ATXN1: variants seen among roughly 807,000 people sequenced by gnomAD.
ATXN1 encodes ataxin-1.
ATXN1 carries 8 observed loss-of-function variants against 56.4 expected under a neutral mutation model. The ratio of observed to expected loss-of-function variants is 0.14; its 90% CI spans 0.08 to 0.26. The LOEUF is 0.26. Among genes scored for constraint, ATXN1 ranks in the 10% least tolerant of loss-of-function variants. The probability of loss-of-function intolerance (pLI) is 1.00; values close to 1 mark genes in which losing one functional copy is unlikely to be tolerated. For missense variants in ATXN1, 987 were observed against 1,106.5 expected (o/e 0.89, Z 1.53); for synonymous variants, 514 against 494.6 (o/e 1.04, Z -0.52).
intron 3 of ATXN1, among the ~76,000 whole-genome samples, chr6:16,586,132 G>C (rs1308484476): frequency 6.6e-6 from 1 of 152,024 alleles, no homozygotes; most frequent in Non-Finnish European, 1.5e-5. Flanking sequence ...TATCCCCAGG[G>C]ATGAGTGGGT....
At chr6:16,634,670 A>C (rs1262412802) in intron 3 of ATXN1, among the ~76,000 whole-genome samples, 1 of 152,184 alleles carries the variant, frequency 6.6e-6, no homozygotes, top group Non-Finnish European at 1.5e-5. Flanking sequence ...AATGAAATTG[A>C]AGTATGTGGT....
intron 4 of ATXN1, among the ~76,000 whole-genome samples, chr6:16,559,066 T>C (rs1762067121): frequency 6.6e-6 from 1 of 152,110 alleles, no homozygotes; most frequent in African/African-American, 2.4e-5. Context: ...CAGAAACCCA[T>C]ATTAAAGCTA....
intron 4 of ATXN1, among the ~76,000 whole-genome samples, chr6:16,534,735 C>T (rs770820838): frequency 3.4e-4 from 52 of 152,238 alleles, no homozygotes; most frequent in South Asian, 4.1e-4. Context: ...TCATTATTTT[C>T]GGCTTTCTTC....
intron 6 of ATXN1, among the ~76,000 whole-genome samples, chr6:16,442,173 C>T (rs534710861): frequency 2.6e-5 from 4 of 152,212 alleles, no homozygotes; most frequent in Middle Eastern, 3.4e-3. Context: ...AAGTCAGTAG[C>T]GTGACACTCA....
chr6:16,440,239 C>T (rs1377908764), intron 6 of ATXN1, among the ~76,000 whole-genome samples: 2 of 151,664 alleles, frequency 1.3e-5, no homozygotes, highest in East Asian at 1.9e-4. Flanking sequence ...ATTAGCCAGG[C>T]GTGGTGGCAC....
intron 7 of ATXN1, among the ~76,000 whole-genome samples, chr6:16,317,342 T>G (rs1760535314): frequency 6.6e-6 from 1 of 152,002 alleles, no homozygotes; most frequent in Non-Finnish European, 1.5e-5. Flanking sequence ...TCTTTTTTTT[T>G]GAGACAGAGT....
At chr6:16,513,835 C>T (rs1761127421) in intron 5 of ATXN1, among the ~76,000 whole-genome samples, 1 of 152,074 alleles carries the variant, frequency 6.6e-6, no homozygotes. Context: ...GTCACACTTC[C>T]TGCACCTCTG....
At chr6:16,737,784 A>G (rs1482670350) in intron 2 of ATXN1, 1 of 152,250 alleles carries the variant, frequency 6.6e-6, no homozygotes, top group Non-Finnish European at 1.5e-5. Flanking sequence ...AAGATGGTCA[A>G]GGTATAAACA....
intron 6 of ATXN1, among the ~76,000 whole-genome samples, chr6:16,450,845 A>G (rs1759738179): frequency 6.6e-6 from 1 of 152,198 alleles, no homozygotes. Context: ...GTCCTCTCAG[A>G]AATACAGGTG....
In ATXN1 at chr6:16,676,574, T is replaced by C. The variant is rs1758665459; in HGVS notation, c.-614-18673A>G. On this transcript the variant is annotated intron_variant, in intron 2 of 7. Transcript: ENST00000436367. Reference sequence around the variant, plus strand: ...TATGGTCCTTGCACTCTCCATCTAGTTGTGGGGAAAATAAACAAACAATGG... The same window carrying C: ...TATGGTCCTTGCACTCTCCATCTAGCTGTGGGGAAAATAAACAAACAATGG... Among the ~76,000 whole-genome samples the C allele has an allele frequency of 2.6e-5, 4 of 152,126 alleles. No homozygotes were observed. The South Asian group carries it at 8.3e-4, about 32-fold the overall frequency.
chr6:16,626,306 G>T (rs190219766), intron 3 of ATXN1, among the ~76,000 whole-genome samples: 120 of 152,168 alleles, frequency 7.9e-4, no homozygotes, highest in Non-Finnish European at 1.5e-3. Flanking sequence ...TTGTTTTTGA[G>T]TCAGGGTCTT....
At chr6:16,420,429 T>TA (rs1310405703) in intron 6 of ATXN1, among the ~76,000 whole-genome samples, 1 of 152,204 alleles carries the variant, frequency 6.6e-6, no homozygotes, top group African/African-American at 2.4e-5. Context: ...TGTTTTTATT[T>TA]AACAATAGCT....
At chr6:16,388,053 T>A (rs9477111) in intron 6 of ATXN1, among the ~76,000 whole-genome samples, 3,558 of 152,314 alleles carry the variant, frequency 0.023, 127 homozygotes, top group African/African-American at 0.082. Flanking sequence ...TCCATAGATG[T>A]GATCATTAAA....
chr6:16,520,932 C>A (rs973897151), intron 5 of ATXN1, among the ~76,000 whole-genome samples: 7 of 152,122 alleles, frequency 4.6e-5, no homozygotes, highest in Non-Finnish European at 5.9e-5. Flanking sequence ...TGATCAAGTT[C>A]CGCAATAATG....
intron 5 of ATXN1, among the ~76,000 whole-genome samples, chr6:16,498,766 T>C (rs1007693897): frequency 2.0e-5 from 3 of 152,238 alleles, no homozygotes; most frequent in African/African-American, 7.2e-5. Context: ...GTTGGACATC[T>C]TTTCATAAGC....
At chr6:16,400,113 A>G (rs1758537723) in intron 6 of ATXN1, among the ~76,000 whole-genome samples, 1 of 152,010 alleles carries the variant, frequency 6.6e-6, no homozygotes, top group South Asian at 2.1e-4. Flanking sequence ...GACACTTGAA[A>G]CTTTCAGAAG....
intron 6 of ATXN1, among the ~76,000 whole-genome samples, chr6:16,402,105 T>A (rs372177455): frequency 9.2e-5 from 14 of 152,042 alleles, no homozygotes; most frequent in East Asian, 3.9e-4. Flanking sequence ...CTGCCCCCCA[T>A]GATTCAATAC....
At chr6:16,632,578 G>A (rs577938671) in intron 3 of ATXN1, among the ~76,000 whole-genome samples, 9 of 152,262 alleles carry the variant, frequency 5.9e-5, no homozygotes, top group East Asian at 3.9e-4. Flanking sequence ...ACTGGGATGC[G>A]GGGTTGGGGG....
chr6:16,460,771 G>T (rs752756764), intron 6 of ATXN1, among the ~76,000 whole-genome samples: 1 of 152,146 alleles, frequency 6.6e-6, no homozygotes, highest in Non-Finnish European at 1.5e-5. Flanking sequence ...GGATATGAAG[G>T]GCAGGTTATG....
Sources: gnomAD v4.1 joint callset for allele counts (sites outside exome capture counted in the v4.1 genomes callset) on GRCh38, gnomAD v4.1.1 for gene constraint, MANE v1.5 for transcripts, NCBI Gene and HGNC (gene_info 2026-07-23, HGNC 2026-07-21) for gene names.